The following CHD6 variants were observed in gnomAD, a reference collection of about 807,000 sequenced individuals.
CHD6 encodes ATP-dependent chromatin remodeler CHD6.
Under a neutral mutation model 276.9 loss-of-function variants are expected in CHD6, and 50 were observed. The ratio of observed to expected loss-of-function variants is 0.18; its 90% CI spans 0.14 to 0.23. The LOEUF is 0.23. Among genes scored for constraint, CHD6 ranks in the 10% least tolerant of loss-of-function variants. The pLI is 1.00. For missense variants in CHD6, 2,564 were observed against 3,365.8 expected (o/e 0.76, Z 5.89); for synonymous variants, 1,173 against 1,229.3 (o/e 0.95, Z 0.96).
chr20:41,426,464 T>C (rs1312829649), intron 27 of CHD6, among the ~76,000 whole-genome samples: 3 of 152,212 alleles, frequency 2.0e-5, no homozygotes, highest in Non-Finnish European at 4.4e-5. Context: ...ACAAGTACTA[T>C]TTTAGTTGTG....
rs574347177 is a variant in CHD6 at position 41,579,437 on chromosome 20, CAA to C, written c.-23-28079_-23-28078del. ...TGGGCGACAGAGTGAGACTCTGTCT[CAA>C]AAAAAAAAAAAAAAAATCTTAAAAG... is the stretch of plus-strand genomic sequence containing the variant. On this transcript the variant is annotated intron_variant, in intron 1 of 36. Transcript: ENST00000373233. Among the ~76,000 whole-genome samples, 66 of 69,934 alleles carry C rather than the reference CAA, an allele frequency of 9.4e-4. 2 individuals are homozygous for C. Among genetic ancestry groups the C allele is most frequent in the African/African-American group, 2.4e-3 (39 of 16,150 alleles). 45.9% of individuals were successfully genotyped at this position (69,934 alleles called of 152,430 possible). A position where few individuals can be genotyped will look rare whatever the true frequency, so the allele number is the denominator to read the frequency against.
In CHD6 at chr20:41,483,332, T is replaced by C; in HGVS notation, c.2445A>G (p.Leu815=). 6.2e-7 allele frequency: 1 copy of C among 1,613,490 alleles called. No homozygotes were observed. The highest frequency in any genetic ancestry group is 1.1e-5 in the South Asian group (1 of 91,032). The change falls in exon 16 of 37, where the codon CTA becomes CTG. Residue 815 remains leucine (L), a synonymous_variant. Coordinates refer to ENST00000373233, the MANE Select transcript of CHD6 (RefSeq NM_032221.5). ...FSQMVRCLDI[L]EDYLIQRRYT... ...ACCTTCTCTGGATGAGGTAATCTTCTAGGATGTCGAGGCAGCGCACCATCT... is the reference window on the plus strand; with the variant it reads ...ACCTTCTCTGGATGAGGTAATCTTCCAGGATGTCGAGGCAGCGCACCATCT...
Position 41,542,647 on chromosome 20 carries a change from C to T in CHD6, c.33+8658G>A, listed in dbSNP as rs561659678. The stretch of plus-strand genomic sequence containing the variant: ...GGTGGAGCTTGCAGGGAGCCGAGAT[C>T]GCACCACTGCACTCCAGCCTGGGCG... On this transcript the variant is annotated intron_variant, in intron 2 of 36. Transcript: ENST00000373233. Among the ~76,000 whole-genome samples, 80 of 150,612 alleles carry T rather than the reference C, an allele frequency of 5.3e-4. 1 individual carries two copies. Among genetic ancestry groups the T allele is most frequent in the African/African-American group, 1.8e-3 (75 of 41,012 alleles).
At chr20:41,486,535 T>C (rs572128263) in intron 14 of CHD6, among the ~76,000 whole-genome samples, 2 of 152,300 alleles carry the variant, frequency 1.3e-5, no homozygotes, top group African/African-American at 2.4e-5. Flanking sequence ...AAGAAAGAGA[T>C]TGGAACCCCA....
At position 41,499,369 on chromosome 20, in the gene CHD6, GAT is replaced by G; in HGVS notation, c.853-14_853-13del. 1 of 1,567,056 alleles carries G rather than the reference GAT, an allele frequency of 6.4e-7. No individual in the cohort carries two copies. Among genetic ancestry groups the G allele is most frequent in the Non-Finnish European group, 8.6e-7 (1 of 1,156,430 alleles). On this transcript the variant is annotated splice_polypyrimidine_tract_variant and intron_variant, in intron 5 of 36. Transcript: ENST00000373233. ...TCTTCTGGAGGCTCCTGGGGACAAAGATAAAAAAAAAAGAAAATTGCTGGAAC... is the reference window on the plus strand; with the variant it reads ...TCTTCTGGAGGCTCCTGGGGACAAAGAAAAAAAAAAGAAAATTGCTGGAAC...
At position 41,607,293 on chromosome 20, in the gene CHD6, C is replaced by T. The variant is rs187129654; in HGVS notation, c.-24+11047G>A. Among the ~76,000 whole-genome samples the T allele has an allele frequency of 1.3e-3, 191 of 152,312 alleles. 1 individual carries two copies. Among genetic ancestry groups the T allele is most frequent in the Admixed American group, 0.01 (155 of 15,306 alleles). On this transcript the variant is annotated intron_variant, in intron 1 of 36. Transcript: ENST00000373233. Reference sequence around the variant, plus strand: ...GCCTTAACCTACTCCCCTGGCTTAACGGTTGATCCTTCTTCTTGAGTCTTA... The same window carrying T: ...GCCTTAACCTACTCCCCTGGCTTAATGGTTGATCCTTCTTCTTGAGTCTTA...
At chr20:41,474,941 G>A (rs2043138097) in intron 16 of CHD6, among the ~76,000 whole-genome samples, 1 of 152,028 alleles carries the variant, frequency 6.6e-6, no homozygotes, top group Non-Finnish European at 1.5e-5. Flanking sequence ...ACAATTTTTT[G>A]TTTCCTCTTT....
chr20:41,591,734 G>A (rs915505045), intron 1 of CHD6, among the ~76,000 whole-genome samples: 7 of 151,932 alleles, frequency 4.6e-5, no homozygotes, highest in South Asian at 2.1e-4. Context: ...TAGAAAATAC[G>A]GCTGCAACCA....
intron 5 of CHD6, 109 bp downstream of exon 5, chr20:41,512,737 C>T: frequency 8.1e-7 from 1 of 1,232,842 alleles, no homozygotes; most frequent in Non-Finnish European, 1.2e-6. Context: ...CCACAAGCAG[C>T]AGTTAAAATG....
chr20:41,577,116 C>G (rs1052080233), intron 1 of CHD6, among the ~76,000 whole-genome samples: 1 of 152,112 alleles, frequency 6.6e-6, no homozygotes, highest in African/African-American at 2.4e-5. Flanking sequence ...TCAACAACAA[C>G]AAAAAATCAC....
intron 1 of CHD6, among the ~76,000 whole-genome samples, chr20:41,615,863 G>A (rs1025646837): frequency 3.3e-5 from 5 of 152,170 alleles, no homozygotes; most frequent in African/African-American, 1.2e-4. Flanking sequence ...ACGCTGCTTC[G>A]GGCAAAGCCA....
chr20:41,603,666 G>T (rs2045796316), intron 1 of CHD6, among the ~76,000 whole-genome samples: 1 of 152,158 alleles, frequency 6.6e-6, no homozygotes, highest in Non-Finnish European at 1.5e-5. Context: ...AGGAGTTGGA[G>T]ACCAGCTTGG....
chr20:41,543,102 CAAAA>C (rs568067367), intron 2 of CHD6, among the ~76,000 whole-genome samples: 6 of 80,698 alleles, frequency 7.4e-5, no homozygotes, highest in Non-Finnish European at 5.0e-5. Context: ...GACTCTGTCT[CAAAA>C]AAAAAAAAAA....
intron 3 of CHD6, among the ~76,000 whole-genome samples, chr20:41,519,277 T>C (rs1426624837): frequency 7.4e-6 from 1 of 135,728 alleles, no homozygotes; most frequent in African/African-American, 3.1e-5. Context: ...AGTCAGACCC[T>C]GTCTCAAAAA....
At chr20:41,555,652 C>T (rs1406440215) in intron 1 of CHD6, among the ~76,000 whole-genome samples, 53 of 148,484 alleles carry the variant, frequency 3.6e-4, no homozygotes, top group African/African-American at 1.2e-3. Flanking sequence ...ACATCCCAGA[C>T]GGGGCGGCGG....
At chr20:41,504,128 G>C (rs1230694171) in intron 5 of CHD6, among the ~76,000 whole-genome samples, 4 of 136,976 alleles carry the variant, frequency 2.9e-5, no homozygotes, top group African/African-American at 8.5e-5. Context: ...ACTTTTAACT[G>C]CATCGCACTT....
chr20:41,407,752 A>G (rs2046721141), intron 36 of CHD6, among the ~76,000 whole-genome samples: 1 of 152,202 alleles, frequency 6.6e-6, no homozygotes, highest in Non-Finnish European at 1.5e-5. Flanking sequence ...ACTAGTGGGC[A>G]CTCAGCAGCG....
chr20:41,437,165 A>G, intron 27 of CHD6, 109 bp downstream of exon 27: 2 of 766,928 alleles, frequency 2.6e-6, no homozygotes, highest in Non-Finnish European at 4.5e-6. Context: ...GCAAAATGCA[A>G]TGTAACTGTA....
At position 41,416,721 on chromosome 20, in the gene CHD6, T is replaced by G; in HGVS notation, c.6353A>C (p.Gln2118Pro). Residue 2118 changes from glutamine to proline, a missense_variant, in exon 33 of 37, where the codon CAG becomes CCG. Transcript: ENST00000373233. ...VLKGKWPSSQ[Q>P]YEPSGTLPTP... ...GGGCAGTGTGCCTGAGGGCTCATAC[T>G]GCTGGCTAGAGGGCCACTTCCCCTT... 2 of 1,613,488 alleles carry G rather than the reference T, an allele frequency of 1.2e-6. No homozygotes were observed. The highest frequency in any genetic ancestry group is 8.5e-7 in the Non-Finnish European group (1 of 1,179,610).
Sources: allele counts gnomAD v4.1 joint callset (sites outside exome capture counted in the v4.1 genomes callset), GRCh38; gene constraint gnomAD v4.1.1; transcripts MANE v1.5; gene names NCBI Gene and HGNC (gene_info 2026-07-23, HGNC 2026-07-21).